ZNF485: variants seen among roughly 807,000 people sequenced by gnomAD.
ZNF485 encodes zinc finger protein 485.
In ZNF485, 9 loss-of-function variants were observed where a neutral mutation model predicts 10.8. The observed-to-expected ratio is 0.83, with a 90% CI of 0.50 to 1.45. The LOEUF (loss-of-function observed/expected upper bound fraction) is 1.45. Among genes scored for constraint, ZNF485 ranks in the 40% most tolerant of loss-of-function variants. ZNF485 has a pLI of 0.00. For synonymous variants in ZNF485, 187 were observed against 181.0 expected (o/e 1.03, Z -0.27); for missense variants, 487 against 528.0 (o/e 0.92, Z 0.76).
Position 43,616,808 on chromosome 10 carries a change from A to T in ZNF485, c.765A>T (p.Ala255=), listed in dbSNP as rs1199307656. 1 of 1,614,146 alleles carries T rather than the reference A, an allele frequency of 6.2e-7. No homozygotes were observed. The highest frequency in any genetic ancestry group is 8.5e-7 in the Non-Finnish European group (1 of 1,179,998). The change falls in exon 5 of 5, where the codon GCA becomes GCT. Residue 255 remains alanine, a synonymous_variant. Coordinates refer to ENST00000361807, the MANE Select transcript of ZNF485 (RefSeq NM_145312.4). ...NDCGKAFAQN[A]ALTRHERIHS... ...GTGGGAAAGCCTTCGCTCAGAATGC[A>T]GCTCTTACTCGTCATGAAAGAATAC...
chr10:43,614,461 GT>G (rs202072713), intron 4 of ZNF485, among the ~76,000 whole-genome samples: 11 of 151,674 alleles, frequency 7.3e-5, no homozygotes, highest in Non-Finnish European at 1.5e-4. Context: ...TTCAAAACAT[GT>G]TTTTTTTCTG....
rs961383882 is a variant in ZNF485, at chr10:43,616,998, A to C, written c.955A>C (p.Met319Leu). Residue 319 changes from methionine (M) to leucine (L), a missense_variant, in exon 5 of 5, where the codon ATG becomes CTG. By Grantham distance (15) the Met-to-Leu change is conservative. Transcript: ENST00000361807. Reference sequence around the variant, plus strand: ...CTCAACTCTTATTAGTCACCAAAGAATGCATACTGGGGAGAAACCCTATCA... The same window carrying C: ...CTCAACTCTTATTAGTCACCAAAGACTGCATACTGGGGAGAAACCCTATCA... ...KSSTLISHQR[M>L]HTGEKPYHCS... The C allele has an allele frequency of 6.2e-7, 1 of 1,614,064 alleles. No individual in the cohort carries two copies. Among genetic ancestry groups the C allele is most frequent in the Non-Finnish European group, 8.5e-7 (1 of 1,180,046 alleles).
intron 4 of ZNF485, among the ~76,000 whole-genome samples, chr10:43,610,754 T>C (rs996382585): frequency 1.3e-5 from 2 of 152,228 alleles, no homozygotes; most frequent in African/African-American, 2.4e-5. Flanking sequence ...TATTTCCCTT[T>C]CTGTTAGTTG....
In ZNF485 at chr10:43,617,422, A is replaced by G. The variant is rs1027364897; in HGVS notation, c.*53A>G. 1.1e-4 allele frequency: 142 copies of G among 1,248,176 alleles called. 1 individual carries two copies. The Middle Eastern group carries it at 1.6e-3, about 14-fold the overall frequency. The allele number at this position is 1,248,176 out of a possible 1,614,324, so 77.3% of individuals were successfully genotyped here. A position where few individuals can be genotyped will look rare whatever the true frequency, so the allele number is the denominator to read the frequency against. On this transcript the variant is annotated 3_prime_UTR_variant, in exon 5 of 5. Transcript: ENST00000361807. Reference sequence around the variant, plus strand: ...TCCTTCTGACCATCATAGAGGAGACATTAAATAAATTATGCATTTAACAGA... The same window carrying G: ...TCCTTCTGACCATCATAGAGGAGACGTTAAATAAATTATGCATTTAACAGA...
chr10:43,609,398 T>C, intron 4 of ZNF485, 48 bp downstream of exon 4: 1 of 1,470,118 alleles, frequency 6.8e-7, no homozygotes, highest in Non-Finnish European at 9.4e-7. Context: ...CACGGAGCAG[T>C]ACGGGGGTTC....
chr10:43,609,905 C>T (rs1838735956), intron 4 of ZNF485, among the ~76,000 whole-genome samples: 1 of 152,098 alleles, frequency 6.6e-6, no homozygotes, highest in African/African-American at 2.4e-5. Flanking sequence ...CGGCTGGTCT[C>T]GAACTCCTGG....
In ZNF485 at chr10:43,609,292, G is replaced by A. The variant is rs1838719994; in HGVS notation, c.189G>A (p.Leu63=). Residue 63 remains leucine (L), a synonymous_variant, in exon 4 of 5, where the codon TTG becomes TTA. Coordinates refer to ENST00000361807, the MANE Select transcript of ZNF485 (RefSeq NM_145312.4). ...CCAAACCAAAACTAATTACTCAGTTGGAGCAAGGGGCAGAGCCCTGGACTG... is the reference window on the plus strand; with the variant it reads ...CCAAACCAAAACTAATTACTCAGTTAGAGCAAGGGGCAGAGCCCTGGACTG... The part of the protein sequence containing the change: ...LSSKPKLITQ[L]EQGAEPWTEV... 6.2e-7 allele frequency: 1 copy of A among 1,613,882 alleles called. No individual in the cohort carries two copies. The highest frequency in any genetic ancestry group is 8.5e-7 in the Non-Finnish European group (1 of 1,179,938).
Position 43,617,448 on chromosome 10 carries a change from A to G in ZNF485, c.*79A>G. ...TTAAATAAATTATGCATTTAACAGA[A>G]ATACTCTGTACTTCTGAGAGAACAC... On this transcript the variant is annotated 3_prime_UTR_variant, in exon 5 of 5. Transcript: ENST00000361807. The G allele has an allele frequency of 3.9e-6, 4 of 1,027,560 alleles. No homozygotes were observed. The highest frequency in any genetic ancestry group is 5.7e-6 in the Non-Finnish European group (4 of 705,904). 63.7% of individuals were successfully genotyped at this position (1,027,560 alleles called of 1,614,324 possible). A position where few individuals can be genotyped will look rare whatever the true frequency, so the allele number is the denominator to read the frequency against.
intron 2 of ZNF485, chr10:43,607,344 G>A (rs1838671757): frequency 1.7e-6 from 1 of 577,510 alleles, no homozygotes; most frequent in Non-Finnish European, 3.1e-6. Context: ...ATGTAAAGAC[G>A]TAGGCCATAA....
chr10:43,617,428 T>C lies in ZNF485; in HGVS notation c.*59T>C, dbSNP rs916335607. The C allele has an allele frequency of 3.3e-6, 4 of 1,227,554 alleles. No individual in the cohort carries two copies. Among genetic ancestry groups the C allele is most frequent in the African/African-American group, 3.0e-5 (2 of 66,302 alleles). 76.0% of individuals were successfully genotyped at this position (1,227,554 alleles called of 1,614,324 possible). On this transcript the variant is annotated 3_prime_UTR_variant, in exon 5 of 5. Transcript: ENST00000361807. ...TGACCATCATAGAGGAGACATTAAA[T>C]AAATTATGCATTTAACAGAAATACT...
chr10:43,616,664 T>A lies in ZNF485; in HGVS notation c.621T>A (p.Ile207=). The A allele has an allele frequency of 6.2e-7, 1 of 1,614,162 alleles. No homozygotes were observed. Among genetic ancestry groups the A allele is most frequent in the Non-Finnish European group, 8.5e-7 (1 of 1,180,028 alleles). The part of the protein sequence containing the change: ...KHSTFINHQR[I]HSREKPHKCI... ...CAACGTTTATCAACCATCAGAGAAT[T>A]CATTCTAGGGAGAAACCCCACAAAT... Residue 207 remains isoleucine, a synonymous_variant, in exon 5 of 5, where the codon ATT becomes ATA. Transcript: ENST00000361807.
rs986085492 is a variant in ZNF485, at chr10:43,617,474, A to T, written c.*105A>T. ...ATACTCTGTACTTCTGAGAGAACACATCACTTGTGAGGATATTCATTGTGA... is the reference window on the plus strand; with the variant it reads ...ATACTCTGTACTTCTGAGAGAACACTTCACTTGTGAGGATATTCATTGTGA... On this transcript the variant is annotated 3_prime_UTR_variant, in exon 5 of 5. Coordinates refer to ENST00000361807, the MANE Select transcript of ZNF485 (RefSeq NM_145312.4). 1.9e-5 allele frequency: 16 copies of T among 832,084 alleles called. No homozygotes were observed. The African/African-American group carries it at 2.4e-4, about 12-fold the overall frequency. 51.5% of individuals were successfully genotyped at this position (832,084 alleles called of 1,614,324 possible).
At chr10:43,615,707 ATGT>A (rs1290919532) in intron 4 of ZNF485, among the ~76,000 whole-genome samples, 2 of 152,120 alleles carry the variant, frequency 1.3e-5, no homozygotes, top group Non-Finnish European at 2.9e-5. Context: ...TGGCATAGGT[ATGT>A]TGTTTTTTAG....
rs1284241505 is a variant in ZNF485, at chr10:43,609,225, TCCTCTAAGATCC to T, written c.152-29_152-18del. 1.9e-6 allele frequency: 3 copies of T among 1,546,890 alleles called. No homozygotes were observed. The highest frequency in any genetic ancestry group is 3.8e-5 in the Admixed American group (2 of 53,112). On this transcript the variant is annotated intron_variant, in intron 3 of 4. Coordinates refer to ENST00000361807, the MANE Select transcript of ZNF485 (RefSeq NM_145312.4). ...TCCTTTTCATTCATTTTTTTTTTCT[TCCTCTAAGATCC>T]TTTTTCTTTATGAACAGGGCTTCTC... is the stretch of plus-strand genomic sequence containing the variant.
At position 43,617,025 on chromosome 10, in the gene ZNF485, T is replaced by C. The variant is rs765322598; in HGVS notation, c.982T>C (p.Cys328Arg). The C allele has an allele frequency of 2.5e-6, 4 of 1,614,092 alleles. No individual in the cohort carries two copies. Among genetic ancestry groups the C allele is most frequent in the Non-Finnish European group, 3.4e-6 (4 of 1,180,050 alleles). ...RMHTGEKPYH[C>R]SKCGKSFRYS... ...GCATACTGGGGAGAAACCCTATCAC[T>C]GCAGTAAATGTGGAAAATCTTTCAG... The change falls in exon 5 of 5, where the codon TGC (cysteine) becomes CGC (arginine). Residue 328 changes from cysteine to arginine, a missense_variant. Coordinates refer to ENST00000361807, the MANE Select transcript of ZNF485 (RefSeq NM_145312.4).
rs575365214 is a variant in ZNF485 at position 43,616,802 on chromosome 10, G to C, written c.759G>C (p.Gln253His). The C allele has an allele frequency of 6.2e-7, 1 of 1,614,050 alleles. No individual in the cohort carries two copies. Reference protein sequence around the residue: ...KCNDCGKAFAQNAALTRHERI... With the variant: ...KCNDCGKAFAHNAALTRHERI... ...ATGACTGTGGGAAAGCCTTCGCTCA[G>C]AATGCAGCTCTTACTCGTCATGAAA... is the stretch of plus-strand genomic sequence containing the variant. Residue 253 changes from glutamine (Q) to histidine (H), a missense_variant, in exon 5 of 5, where the codon CAG (glutamine) becomes CAC (histidine). By Grantham distance (24) the Gln-to-His change is conservative (BLOSUM62 0). Transcript: ENST00000361807.
At chr10:43,612,755 T>C (rs1288482143) in intron 4 of ZNF485, among the ~76,000 whole-genome samples, 4 of 152,188 alleles carry the variant, frequency 2.6e-5, no homozygotes, top group African/African-American at 4.8e-5. Flanking sequence ...ATTTCCCCTT[T>C]ATTAGCTCTG....
intron 4 of ZNF485, among the ~76,000 whole-genome samples, chr10:43,611,352 A>G (rs965825613): frequency 6.6e-6 from 1 of 152,082 alleles, no homozygotes. Flanking sequence ...ACAGGCGTGC[A>G]TCACCATGCC....
intron 4 of ZNF485, 46 bp downstream of exon 4, chr10:43,609,396 A>G: frequency 6.8e-7 from 1 of 1,474,384 alleles, no homozygotes; most frequent in Non-Finnish European, 9.4e-7. Context: ...CACACGGAGC[A>G]GTACGGGGGT....
Sources: allele counts gnomAD v4.1 joint callset (sites outside exome capture counted in the v4.1 genomes callset), GRCh38; gene constraint gnomAD v4.1.1; transcripts MANE v1.5; gene names NCBI Gene and HGNC (gene_info 2026-07-23, HGNC 2026-07-21).